The following RPL21 variants were observed in gnomAD, a reference collection of about 807,000 sequenced individuals.
RPL21 encodes the protein ribosomal protein L21.
Under a neutral mutation model 21.2 loss-of-function variants are expected in RPL21, and 1 was observed. The observed-to-expected ratio is 0.05, with a 90% CI of 0.02 to 0.22. The LOEUF is 0.22. Among genes scored for constraint, RPL21 ranks in the 10% least tolerant of loss-of-function variants. The pLI, the probability that RPL21 is intolerant of heterozygous loss-of-function variation, is 1.00. For missense variants in RPL21, 113 were observed against 199.4 expected, an observed-to-expected ratio of 0.57 and a Z score of 2.61; for synonymous variants, 52 against 62.9, an observed-to-expected ratio of 0.83 and a Z score of 0.82.
intron 3 of RPL21, 108 bp from the exon 4 acceptor site, chr13:27,255,134 C>T: frequency 1.3e-6 from 1 of 779,266 alleles, no homozygotes. Flanking sequence ...GCTCTGAAAG[C>T]TCTTGAGTTG....
At chr13:27,254,142 T>G in intron 2 of RPL21, 78 bp from the exon 3 acceptor site, 1 of 901,572 alleles carries the variant, frequency 1.1e-6, no homozygotes, top group Non-Finnish European at 1.9e-6. Context: ...ATATATGTGT[T>G]AAAAGCTAGT....
Position 27,253,863 on chromosome 13 carries a change from T to A in RPL21, c.67+20T>A. On this transcript the variant is annotated intron_variant, in intron 2 of 5. Coordinates refer to ENST00000311549, the MANE Select transcript of RPL21 (RefSeq NM_000982.4). Reference sequence around the variant, plus strand: ...AACATGGTAAGTAGGTTTACCTTCCTTGAGAGAAGCATGGCACACATTTGT... The same window carrying A: ...AACATGGTAAGTAGGTTTACCTTCCATGAGAGAAGCATGGCACACATTTGT... 7.2e-7 allele frequency: 1 copy of A among 1,385,366 alleles called. No homozygotes were observed. Among genetic ancestry groups the A allele is most frequent in the Non-Finnish European group, 1.0e-6 (1 of 971,470 alleles). 85.8% of individuals were successfully genotyped at this position (1,385,366 alleles called of 1,614,324 possible).
chr13:27,253,665 T>C (rs1204344070), intron 1 of RPL21, 100 bp from the exon 2 acceptor site: 7 of 729,194 alleles, frequency 9.6e-6, no homozygotes, highest in African/African-American at 1.7e-5. Context: ...CAGTTTGCAG[T>C]TCTCACTTCG....
chr13:27,256,102 A>G (rs1304883743), intron 4 of RPL21, 82 bp from the exon 5 acceptor site: 16 of 1,046,614 alleles, frequency 1.5e-5, no homozygotes, highest in Non-Finnish European at 1.9e-5. Flanking sequence ...GGTTTATTTA[A>G]TAAATGAAAC....
chr13:27,251,687 T>G (rs951366794), intron 1 of RPL21, 102 bp downstream of exon 1: 1 of 152,472 alleles, frequency 6.6e-6, no homozygotes, highest in Admixed American at 6.5e-5. Flanking sequence ...GGAGACTCTC[T>G]AACCTGTTTG....
chr13:27,253,664 G>T (rs981489464), intron 1 of RPL21, 101 bp from the exon 2 acceptor site: 4 of 727,610 alleles, frequency 5.5e-6, no homozygotes, highest in African/African-American at 5.2e-5. Flanking sequence ...TCAGTTTGCA[G>T]TTCTCACTTC....
intron 1 of RPL21, among the ~76,000 whole-genome samples, chr13:27,253,249 C>T (rs548619761): frequency 7.1e-4 from 108 of 152,256 alleles, no homozygotes; most frequent in African/African-American, 2.4e-3. Flanking sequence ...ACCCTATATA[C>T]GTTCGTAGTA....
intron 1 of RPL21, among the ~76,000 whole-genome samples, chr13:27,253,526 CG>C (rs2137908407): frequency 6.6e-6 from 1 of 152,276 alleles, no homozygotes; most frequent in South Asian, 2.1e-4. Flanking sequence ...TTTGGATTCT[CG>C]TATCAAGTTC....
In RPL21 at chr13:27,256,545, T is replaced by C; in HGVS notation, c.*20T>C. 5 of 965,410 alleles carry C rather than the reference T, an allele frequency of 5.2e-6. No homozygotes were observed. The highest frequency in any genetic ancestry group is 6.7e-6 in the Non-Finnish European group (4 of 597,108). The allele number at this position is 965,410 out of a possible 1,614,324, so 59.8% of individuals were successfully genotyped here. A position where few individuals can be genotyped will look rare whatever the true frequency, so the allele number is the denominator to read the frequency against. ...GCATAATAGGTGTTAAAAAAAAAAATAAAGGACCTCTGGGCTACAAAAATG... is the reference window on the plus strand; with the variant it reads ...GCATAATAGGTGTTAAAAAAAAAAACAAAGGACCTCTGGGCTACAAAAATG... On this transcript the variant is annotated 3_prime_UTR_variant, in exon 6 of 6. Coordinates refer to ENST00000311549, the MANE Select transcript of RPL21 (RefSeq NM_000982.4).
intron 4 of RPL21, chr13:27,255,642 GCT>G: frequency 2.0e-6 from 1 of 494,788 alleles, no homozygotes; most frequent in South Asian, 1.7e-5. Context: ...TGGGATCTCT[GCT>G]CTCTGCAAGC....
chr13:27,256,021 GATTA>G (rs1214125027), intron 4 of RPL21, among the ~76,000 whole-genome samples, 159 bp from the exon 5 acceptor site: 6 of 152,336 alleles, frequency 3.9e-5, no homozygotes, highest in African/African-American at 9.6e-5. Context: ...CTTCTGATAT[GATTA>G]ATTGATTGTA....
At chr13:27,253,263 A>C (rs747606688) in intron 1 of RPL21, among the ~76,000 whole-genome samples, 2 of 152,318 alleles carry the variant, frequency 1.3e-5, no homozygotes, top group Non-Finnish European at 2.9e-5. Flanking sequence ...CGTAGTAAAT[A>C]ATCAGAAATG....
rs1881889943 is a variant in RPL21, at chr13:27,256,093, GTTTA to G, written c.243-86_243-83del. The stretch of plus-strand genomic sequence containing the variant: ...GTCATATCTGGGTAAAAGGTTTATG[GTTTA>G]TTTAATAAATGAAACTGCAAAATCA... On this transcript the variant is annotated intron_variant, in intron 4 of 5. Coordinates refer to ENST00000311549, the MANE Select transcript of RPL21 (RefSeq NM_000982.4). The G allele has an allele frequency of 7.3e-6, 7 of 962,342 alleles. No individual in the cohort carries two copies. The East Asian group carries it at 1.0e-4, about 14-fold the overall frequency. 59.6% of individuals were successfully genotyped at this position (962,342 alleles called of 1,614,324 possible).
intron 2 of RPL21, 118 bp downstream of exon 2, chr13:27,253,961 C>A: frequency 1.3e-6 from 1 of 747,872 alleles, no homozygotes. Flanking sequence ...AGCGTCTACC[C>A]AGCTTATTTC....
At chr13:27,255,527 T>TTACTG in intron 4 of RPL21, 173 bp downstream of exon 4, 1 of 758,396 alleles carries the variant, frequency 1.3e-6, no homozygotes, top group Non-Finnish European at 2.4e-6. Flanking sequence ...GGAAACAAAT[T>TTACTG]GAAATAGATT....
At chr13:27,253,161 G>A (rs1881728133) in intron 1 of RPL21, among the ~76,000 whole-genome samples, 1 of 152,144 alleles carries the variant, frequency 6.6e-6, no homozygotes, top group African/African-American at 2.4e-5. Flanking sequence ...ATGAAATGTG[G>A]GTGTCCCAGC....
At chr13:27,255,176 GTTAC>G (rs1881839863) in intron 3 of RPL21, 62 bp from the exon 4 acceptor site, 4 of 797,452 alleles carry the variant, frequency 5.0e-6, no homozygotes, top group Non-Finnish European at 9.2e-6. Flanking sequence ...ATACTTTGCA[GTTAC>G]TTAAAGTCAG....
At chr13:27,254,598 T>G (rs993525735) in intron 3 of RPL21, 2 of 342,034 alleles carry the variant, frequency 5.8e-6, no homozygotes, top group East Asian at 1.4e-4. Context: ...TTCTCCATGT[T>G]GGTCAGGCTG....
intron 1 of RPL21, among the ~76,000 whole-genome samples, chr13:27,252,754 G>A (rs1223037833): frequency 6.6e-5 from 10 of 152,192 alleles, no homozygotes; most frequent in Non-Finnish European, 1.5e-4. Flanking sequence ...GGTGAGTTAG[G>A]TGAAACATGT....
Sources: gnomAD v4.1 joint callset for allele counts (sites outside exome capture counted in the v4.1 genomes callset) on GRCh38, gnomAD v4.1.1 for gene constraint, MANE v1.5 for transcripts, NCBI Gene and HGNC (gene_info 2026-07-23, HGNC 2026-07-21) for gene names.